TCF12: variants seen among roughly 807,000 people sequenced by gnomAD.
TCF12 encodes transcription factor 12.
A neutral mutation model predicts 86.0 loss-of-function variants in TCF12; 45 were observed. That is an observed-to-expected ratio of 0.52 (90% confidence interval 0.41 to 0.67). The LOEUF (loss-of-function observed/expected upper bound fraction) is 0.67, where lower values mean the gene tolerates loss of function less well. Among genes scored for constraint, TCF12 ranks in the 30% least tolerant of loss-of-function variants. The probability of loss-of-function intolerance (pLI) is 0.00; values close to 1 mark genes in which losing one functional copy is unlikely to be tolerated. For synonymous variants in TCF12, 330 were observed against 299.6 expected (o/e 1.10, Z -1.05); for missense variants, 881 against 859.9 (o/e 1.02, Z -0.31).
chr15:56,990,045 T>C (rs914621262), intron 3 of TCF12, among the ~76,000 whole-genome samples: 2 of 152,166 alleles, frequency 1.3e-5, no homozygotes, highest in Non-Finnish European at 2.9e-5. Context: ...CTTTTTCTTG[T>C]TTTAGGATAA....
intron 3 of TCF12, among the ~76,000 whole-genome samples, chr15:57,000,431 G>A (rs2566845): frequency 1.3e-5 from 2 of 151,776 alleles, no homozygotes; most frequent in African/African-American, 4.8e-5. Flanking sequence ...AATCTCAAAA[G>A]AAAGTGTTTT....
At chr15:57,209,561 C>T (rs1284305517) in intron 8 of TCF12, among the ~76,000 whole-genome samples, 1 of 152,202 alleles carries the variant, frequency 6.6e-6, no homozygotes, top group Non-Finnish European at 1.5e-5. Flanking sequence ...AAGAATTTAA[C>T]CATTCGTGGT....
chr15:57,280,554 A>C (rs2061640472), intron 19 of TCF12, among the ~76,000 whole-genome samples: 1 of 152,214 alleles, frequency 6.6e-6, no homozygotes, highest in Non-Finnish European at 1.5e-5. Context: ...TGAAATTTAT[A>C]CATCCAGATA....
At chr15:56,945,475 G>T (rs1001366811) in intron 3 of TCF12, among the ~76,000 whole-genome samples, 2 of 151,838 alleles carry the variant, frequency 1.3e-5, no homozygotes. Flanking sequence ...TATCTGAGAG[G>T]TTTTAATTTT....
intron 13 of TCF12, chr15:57,247,796 CAA>C (rs2059931943): frequency 1.3e-6 from 1 of 750,622 alleles, no homozygotes; most frequent in East Asian, 2.4e-5. Context: ...CTCTTCAACA[CAA>C]GAGTAAGTCA....
intron 6 of TCF12, among the ~76,000 whole-genome samples, chr15:57,190,756 T>C (rs1359098223): frequency 1.3e-5 from 2 of 152,190 alleles, no homozygotes; most frequent in Admixed American, 1.3e-4. Flanking sequence ...ATAATGTCAC[T>C]GTAGCATACC....
intron 5 of TCF12, among the ~76,000 whole-genome samples, chr15:57,114,548 TG>T (rs2050714191): frequency 6.6e-6 from 1 of 152,272 alleles, no homozygotes; most frequent in Non-Finnish European, 1.5e-5. Flanking sequence ...TCCTTCCACT[TG>T]GGCCTCTGAA....
intron 3 of TCF12, among the ~76,000 whole-genome samples, chr15:56,974,775 C>T (rs1164550690): frequency 6.6e-6 from 1 of 152,002 alleles, no homozygotes; most frequent in Non-Finnish European, 1.5e-5. Flanking sequence ...AATTGTTTGA[C>T]AACTAATTTC....
At position 57,216,563 on chromosome 15, in the gene TCF12, T is replaced by TAA. The variant is rs5812872; in HGVS notation, c.580-14571_580-14570dup. ...AGGATTAACCCTTGACATGTTCCTTTAAAAAAAAAAAAAAAAAAAGCAAAG... is the reference window on the plus strand; with the variant it reads ...AGGATTAACCCTTGACATGTTCCTTTAAAAAAAAAAAAAAAAAAAAAGCAAAG... On this transcript the variant is annotated intron_variant, in intron 8 of 20. Transcript: ENST00000333725. 1.3e-3 allele frequency among the ~76,000 whole-genome samples: 166 copies of TAA among 129,072 alleles called. 1 individual carries two copies. Among genetic ancestry groups the TAA allele is most frequent in the Middle Eastern group, 3.9e-3 (1 of 254 alleles). 84.7% of individuals were successfully genotyped at this position (129,072 alleles called of 152,430 possible).
At chr15:56,942,068 G>T (rs1386406655) in intron 3 of TCF12, among the ~76,000 whole-genome samples, 2 of 152,008 alleles carry the variant, frequency 1.3e-5, no homozygotes, top group East Asian at 3.9e-4. Context: ...AACTTTTATT[G>T]ATTGTAAAAC....
At chr15:57,147,300 T>C (rs771515021) in intron 5 of TCF12, among the ~76,000 whole-genome samples, 10 of 152,244 alleles carry the variant, frequency 6.6e-5, no homozygotes, top group Admixed American at 1.3e-4. Context: ...GGTATTTGTT[T>C]AACATCAGTG....
intron 3 of TCF12, among the ~76,000 whole-genome samples, chr15:57,012,647 C>T (rs529964923): frequency 1.3e-4 from 20 of 152,132 alleles, no homozygotes; most frequent in Admixed American, 9.2e-4. Context: ...AGTTGTGATT[C>T]GGTTCCAGTG....
intron 8 of TCF12, among the ~76,000 whole-genome samples, chr15:57,223,654 T>TTGTTTTTTTTTTTG (rs56405255): frequency 3.2e-4 from 41 of 130,026 alleles, no homozygotes; most frequent in East Asian, 1.5e-3. Context: ...TTTTTTTTTT[T>TTGTTTTTTTTTTTG]TTTTTTTTTT....
intron 13 of TCF12, chr15:57,247,082 G>T (rs376461323): frequency 7.1e-4 from 401 of 566,734 alleles, no homozygotes; most frequent in Non-Finnish European, 1.2e-3. Context: ...TATAATTTCC[G>T]AACTCATTAT....
At chr15:57,119,651 A>G (rs981566891) in intron 5 of TCF12, among the ~76,000 whole-genome samples, 2 of 151,942 alleles carry the variant, frequency 1.3e-5, no homozygotes, top group Non-Finnish European at 2.9e-5. Flanking sequence ...CCCTCACTCC[A>G]TATGGATACT....
intron 4 of TCF12, among the ~76,000 whole-genome samples, chr15:57,079,271 T>G (rs2070412335): frequency 6.6e-6 from 1 of 152,164 alleles, no homozygotes; most frequent in Non-Finnish European, 1.5e-5. Flanking sequence ...GATCAGATAG[T>G]TATTTCTTTG....
At chr15:57,021,453 C>G (rs2065474789) in intron 3 of TCF12, among the ~76,000 whole-genome samples, 1 of 152,216 alleles carries the variant, frequency 6.6e-6, no homozygotes. Flanking sequence ...AAAACATTGG[C>G]ATCAACAGTG....
intron 5 of TCF12, among the ~76,000 whole-genome samples, chr15:57,107,685 G>A (rs1054394068): frequency 1.3e-5 from 2 of 151,976 alleles, no homozygotes; most frequent in African/African-American, 2.4e-5. Flanking sequence ...CAGAGTTCAA[G>A]ACCAGCCTGG....
chr15:57,072,698 AG>A, intron 4 of TCF12: 1 of 1,307,202 alleles, frequency 7.6e-7, no homozygotes, highest in South Asian at 1.2e-5. Context: ...GCAAGACAGA[AG>A]GGTCAGAGAA....
Sources: gnomAD v4.1 joint callset for allele counts (sites outside exome capture counted in the v4.1 genomes callset) on GRCh38, gnomAD v4.1.1 for gene constraint, MANE v1.5 for transcripts, NCBI Gene and HGNC (gene_info 2026-07-23, HGNC 2026-07-21) for gene names.